Variants in SH2D3C observed in about 807,000 individuals in gnomAD.
The protein encoded by SH2D3C is SH2 domain containing 3C.
In SH2D3C, 25 loss-of-function variants were observed where a neutral mutation model predicts 75.2. That is an observed-to-expected ratio of 0.33 (90% CI 0.24 to 0.46). SH2D3C has a LOEUF of 0.46. Among genes scored for constraint, SH2D3C ranks in the 20% least tolerant of loss-of-function variants. The pLI, the probability that SH2D3C is intolerant of heterozygous loss-of-function variation, is 1.00. For synonymous variants in SH2D3C, 450 were observed against 473.7 expected (o/e 0.95, Z 0.65); for missense variants, 933 against 1,165.3 (o/e 0.80, Z 2.90).
At chr9:127,755,414 G>C (rs923521630) in intron 3 of SH2D3C, 13 of 282,494 alleles carry the variant, frequency 4.6e-5, no homozygotes, top group African/African-American at 2.7e-4. Flanking sequence ...CCGCCCTCCA[G>C]TTCCGCGCGC....
chr9:127,739,738 C>G lies in SH2D3C; in HGVS notation c.2351G>C (p.Arg784Pro). The G allele has an allele frequency of 1.2e-6, 2 of 1,610,436 alleles. No individual in the cohort carries two copies. The highest frequency in any genetic ancestry group is 1.7e-6 in the Non-Finnish European group (2 of 1,179,496). Residue 784 changes from arginine (R) to proline (P), a missense_variant, in exon 11 of 12, where the codon CGC becomes CCC. By Grantham distance (103) the Arg-to-Pro change is moderately radical (BLOSUM62 -2). Coordinates refer to ENST00000314830, the MANE Select transcript of SH2D3C (RefSeq NM_170600.3). The surrounding 1 kb of genome is among the most constrained non-coding windows in gnomAD (Gnocchi z 4.3). ...CAGGCCTCCGTGGTGTGCCACTGTG[C>G]GGGCGGCCTCCAGGTGAGCCAGCAC... ...EVVLAHLEAA[R>P]TVAHHGGLYH...
Position 127,742,836 on chromosome 9 carries a change from G to C in SH2D3C, c.1916+13C>G. On this transcript the variant is annotated intron_variant, in intron 8 of 11. Transcript: ENST00000314830. ...GGTTCCCCGCGAGTCCCCGGGTGCC[G>C]GCGCTGTCTCACCTTTCCAGCAGGT... is the stretch of plus-strand genomic sequence containing the variant. 6.2e-7 allele frequency: 1 copy of C among 1,601,190 alleles called. No homozygotes were observed. The highest frequency in any genetic ancestry group is 8.5e-7 in the Non-Finnish European group (1 of 1,171,716).
Position 127,738,628 on chromosome 9 carries a change from A to G in SH2D3C, c.*118T>C, listed in dbSNP as rs1844754263. ...CCTGGAGGTGCAAGGGAGATGCTTG[A>G]GTTGAACCCAGAACATTCTCGGGTT... On this transcript the variant is annotated 3_prime_UTR_variant, in exon 12 of 12. Coordinates refer to ENST00000314830, the MANE Select transcript of SH2D3C (RefSeq NM_170600.3). This position sits in a 1 kb window ranked among gnomAD's most constrained non-coding sequence, Gnocchi z 5.0. 1 of 1,126,492 alleles carries G rather than the reference A, an allele frequency of 8.9e-7. No homozygotes were observed. Among genetic ancestry groups the G allele is most frequent in the East Asian group, 2.8e-5 (1 of 35,092 alleles). The allele number at this position is 1,126,492 out of a possible 1,614,324, so 69.8% of individuals were successfully genotyped here.
rs141793650 is a variant in SH2D3C at position 127,742,085 on chromosome 9, G to C, written c.1917-126C>G. 2,536 of 885,874 alleles carry C rather than the reference G, an allele frequency of 2.9e-3. 52 individuals carry two copies. In the East Asian group the frequency reaches 0.047, roughly 16 times the overall value. The allele number at this position is 885,874 out of a possible 1,614,324, so 54.9% of individuals were successfully genotyped here. ...GGAGCCAACGTGAGAGGTTGTAAGGGTCAATGGGATAAGGGGGCGCGGCCA... is the reference window on the plus strand; with the variant it reads ...GGAGCCAACGTGAGAGGTTGTAAGGCTCAATGGGATAAGGGGGCGCGGCCA... On this transcript the variant is annotated intron_variant, in intron 8 of 11. Transcript: ENST00000314830.
chr9:127,762,276 C>T, intron 2 of SH2D3C: 1 of 1,248,722 alleles, frequency 8.0e-7, no homozygotes, highest in Non-Finnish European at 1.0e-6. Context: ...TTTTTCCTTC[C>T]TTCCTCCTGA....
chr9:127,771,897 C>A (rs1845745451), intron 2 of SH2D3C, among the ~76,000 whole-genome samples: 2 of 152,214 alleles, frequency 1.3e-5, no homozygotes, highest in African/African-American at 4.8e-5. Context: ...GCATGCCAGC[C>A]ACTGTGTTGA....
intron 8 of SH2D3C, 52 bp from the exon 9 acceptor site, chr9:127,742,011 G>T (rs777127360): frequency 1.1e-5 from 17 of 1,529,782 alleles, no homozygotes; most frequent in Non-Finnish European, 1.2e-5. Context: ...GGGGTGAGGG[G>T]TGCGGGCCTG....
At chr9:127,748,638 A>G (rs1473294778) in intron 5 of SH2D3C, among the ~76,000 whole-genome samples, 2 of 152,234 alleles carry the variant, frequency 1.3e-5, no homozygotes, top group African/African-American at 4.8e-5. Context: ...GATTGGGCAC[A>G]TACAGCACTT....
chr9:127,758,767 C>G (rs1237895613), intron 3 of SH2D3C, among the ~76,000 whole-genome samples: 1 of 152,228 alleles, frequency 6.6e-6, no homozygotes, highest in African/African-American at 2.4e-5. Flanking sequence ...ACTGCAATGG[C>G]CTGGCTCCAA....
intron 6 of SH2D3C, among the ~76,000 whole-genome samples, chr9:127,745,634 G>A (rs1845010151): frequency 6.6e-6 from 1 of 151,056 alleles, no homozygotes; most frequent in South Asian, 2.1e-4. Flanking sequence ...ACAACGCCTG[G>A]CTAACTTTTT....
At chr9:127,758,560 C>T (rs560114090) in intron 3 of SH2D3C, among the ~76,000 whole-genome samples, 5 of 152,294 alleles carry the variant, frequency 3.3e-5, no homozygotes, top group African/African-American at 4.8e-5. Flanking sequence ...CTCCCTCCCA[C>T]GGTGGCATAA....
At chr9:127,762,193 T>G (rs1278389808) in intron 2 of SH2D3C, 1 of 1,190,214 alleles carries the variant, frequency 8.4e-7, no homozygotes, top group East Asian at 5.9e-5. Flanking sequence ...CCACTGCCGG[T>G]GCTAGAGGGC....
chr9:127,769,370 C>T (rs940994435), intron 2 of SH2D3C, among the ~76,000 whole-genome samples: 1 of 152,126 alleles, frequency 6.6e-6, no homozygotes, highest in Non-Finnish European at 1.5e-5. Context: ...TGGCTGGGTG[C>T]GGTGGCTCAC....
chr9:127,740,066 G>A (rs1412061010), intron 10 of SH2D3C, among the ~76,000 whole-genome samples, 178 bp from the exon 11 acceptor site: 1 of 152,156 alleles, frequency 6.6e-6, no homozygotes, highest in East Asian at 1.9e-4. Flanking sequence ...TGAACCCACT[G>A]CAGCCCTGGC....
chr9:127,740,083 C>T (rs1844808888), intron 10 of SH2D3C, among the ~76,000 whole-genome samples, 175 bp downstream of exon 10: 1 of 152,178 alleles, frequency 6.6e-6, no homozygotes, highest in South Asian at 2.1e-4. Flanking sequence ...TGGCCCAGCC[C>T]CAAGGGCTGA....
At chr9:127,764,696 TTTGTTG>T (rs762740248) in intron 2 of SH2D3C, among the ~76,000 whole-genome samples, 7 of 151,950 alleles carry the variant, frequency 4.6e-5, no homozygotes, top group South Asian at 4.2e-4. Flanking sequence ...CCTCCTGCTC[TTTGTTG>T]TTGTTGTTGT....
Position 127,738,492 on chromosome 9 carries a change from C to T in SH2D3C, c.*254G>A. The T allele has an allele frequency of 2.8e-6, 1 of 356,004 alleles. No individual in the cohort carries two copies. The highest frequency in any genetic ancestry group is 5.1e-6 in the Non-Finnish European group (1 of 195,826). The allele number at this position is 356,004 out of a possible 1,614,324, so 22.1% of individuals were successfully genotyped here. ...ATGGCTCGAAAACAGGGAACCCCAG[C>T]AGGAAGGGGAGCAGCAAAAGCTGGT... On this transcript the variant is annotated 3_prime_UTR_variant, in exon 12 of 12. Transcript: ENST00000314830. This position sits in a 1 kb window ranked among gnomAD's most constrained non-coding sequence, Gnocchi z 5.0.
intron 2 of SH2D3C, among the ~76,000 whole-genome samples, chr9:127,766,124 C>T (rs968224419): frequency 2.0e-5 from 3 of 152,250 alleles, no homozygotes; most frequent in African/African-American, 7.2e-5. Flanking sequence ...GACGTTCCCC[C>T]AGGGGCCCTG....
At chr9:127,761,533 G>T in intron 3 of SH2D3C, 78 bp downstream of exon 3, 1 of 1,028,606 alleles carries the variant, frequency 9.7e-7, no homozygotes, top group Non-Finnish European at 1.5e-6. Context: ...GCTTGAGGAA[G>T]GGCTCTGCCC....
Sources: allele counts gnomAD v4.1 joint callset (sites outside exome capture counted in the v4.1 genomes callset), GRCh38; gene constraint gnomAD v4.1.1; non-coding constraint Gnocchi (gnomAD v3.1); transcripts MANE v1.5; gene names NCBI Gene and HGNC (gene_info 2026-07-23, HGNC 2026-07-21).